Variants in TMEM9B observed in about 807,000 individuals in gnomAD.
TMEM9B encodes TMEM9 domain family member B, also known as transmembrane protein 9B.
In TMEM9B, 8 loss-of-function variants were observed where a neutral mutation model predicts 23.5. The ratio of observed to expected loss-of-function variants is 0.34; its 90% CI spans 0.20 to 0.61. TMEM9B has a LOEUF of 0.61. Ranked by LOEUF, TMEM9B falls within the 20% of genes least tolerant of loss-of-function variation. The pLI, the probability that TMEM9B is intolerant of heterozygous loss-of-function variation, is 0.78. For synonymous variants in TMEM9B, 106 were observed against 96.3 expected (o/e 1.10, Z -0.59); for missense variants, 197 against 252.3 (o/e 0.78, Z 1.49).
chr11:8,952,123 A>T (rs181471563), intron 4 of TMEM9B, among the ~76,000 whole-genome samples: 122 of 152,258 alleles, frequency 8.0e-4, no homozygotes, highest in Admixed American at 1.8e-3. Context: ...AACAAAAAAA[A>T]CATTCTCTAA....
rs929519898 is a variant in TMEM9B, at chr11:8,947,461, A to G, written c.*859T>C. ...AACAGCTGCCTCTCACCACGACCGGAAATGCTGACAAATGTGTATATATTA... is the reference window on the plus strand; with the variant it reads ...AACAGCTGCCTCTCACCACGACCGGGAATGCTGACAAATGTGTATATATTA... On this transcript the variant is annotated 3_prime_UTR_variant, in exon 5 of 5. Transcript: ENST00000534025. The G allele has an allele frequency of 2.6e-5, 4 of 152,786 alleles. No homozygotes were observed. The highest frequency in any genetic ancestry group is 2.0e-4 in the Admixed American group (3 of 15,290). The allele number at this position is 152,786 out of a possible 1,614,324, so 9.5% of individuals were successfully genotyped here. A position where few individuals can be genotyped will look rare whatever the true frequency, so the allele number is the denominator to read the frequency against.
chr11:8,953,205 C>G lies in TMEM9B; in HGVS notation c.439G>C (p.Gly147Arg). Reference protein sequence around the residue: ...AQLIQSDDDIGDHQPFANAHD... With the variant: ...AQLIQSDDDIRDHQPFANAHD... ...GCTAGGGCAGGCTGGGAACTTACCCCAATATCATCATCACTCTGTATCAAC... is the reference window on the plus strand; with the variant it reads ...GCTAGGGCAGGCTGGGAACTTACCCGAATATCATCATCACTCTGTATCAAC... The change falls in exon 4 of 5, where the codon GGG becomes CGG. Residue 147 changes from glycine to arginine, a missense_variant and splice_region_variant. Physicochemically the swap from Gly to Arg is moderately radical, Grantham distance 125. Around this residue, in one of 2 missense-constraint regions of TMEM9B, gnomAD observed 141 missense variants for 214.1 expected, o/e 0.66. Transcript: ENST00000534025. The G allele has an allele frequency of 6.2e-7, 1 of 1,614,094 alleles. No individual in the cohort carries two copies. The highest frequency in any genetic ancestry group is 1.1e-5 in the South Asian group (1 of 91,078).
chr11:8,951,517 C>T (rs915174214), intron 4 of TMEM9B, among the ~76,000 whole-genome samples: 16 of 151,340 alleles, frequency 1.1e-4, no homozygotes, highest in Non-Finnish European at 1.9e-4. Flanking sequence ...TTTGGGAGGC[C>T]GAGGCAGGGG....
chr11:8,955,517 G>A (rs537250709), intron 3 of TMEM9B, among the ~76,000 whole-genome samples: 40 of 151,652 alleles, frequency 2.6e-4, no homozygotes, highest in African/African-American at 9.4e-4. Context: ...ATGGGAGTCA[G>A]TGACAGATCA....
chr11:8,951,728 A>G (rs1285917354), intron 4 of TMEM9B, among the ~76,000 whole-genome samples: 3 of 151,426 alleles, frequency 2.0e-5, no homozygotes, highest in Admixed American at 2.0e-4. Context: ...ACTGCAGTCC[A>G]GCCGGGGCAA....
Position 8,947,963 on chromosome 11 carries a change from C to T in TMEM9B, c.*357G>A, listed in dbSNP as rs1853801234. The T allele has an allele frequency of 6.1e-6, 1 of 163,098 alleles. No homozygotes were observed. The highest frequency in any genetic ancestry group is 1.3e-5 in the Non-Finnish European group (1 of 74,856). 10.1% of individuals were successfully genotyped at this position (163,098 alleles called of 1,614,324 possible). On this transcript the variant is annotated 3_prime_UTR_variant, in exon 5 of 5. Coordinates refer to ENST00000534025, the MANE Select transcript of TMEM9B (RefSeq NM_020644.3). ...AAAACAAACAAACAAAAAACAACAA[C>T]AACAAAAACCCTGAAAATTATCTTG...
chr11:8,952,279 C>CACACACAT (rs371219457), intron 4 of TMEM9B, among the ~76,000 whole-genome samples: 2,643 of 126,104 alleles, frequency 0.021, 69 homozygotes, highest in East Asian at 0.078. Context: ...CACACACACA[C>CACACACAT]GCTATATATA....
chr11:8,964,064 G>T (rs906756912), intron 1 of TMEM9B, 145 bp downstream of exon 1: 23 of 778,956 alleles, frequency 3.0e-5, no homozygotes, highest in South Asian at 2.1e-4. Flanking sequence ...GGGCGGGGCT[G>T]GTGGCGGCGG....
At chr11:8,962,256 C>A in intron 1 of TMEM9B, 73 bp from the exon 2 acceptor site, 2 of 976,804 alleles carry the variant, frequency 2.0e-6, no homozygotes, top group South Asian at 3.3e-5. Context: ...GTACCATATA[C>A]ATTTTGCCAA....
At position 8,953,318 on chromosome 11, in the gene TMEM9B, A is replaced by G; in HGVS notation, c.326T>C (p.Leu109Pro). The change falls in exon 4 of 5, where the codon CTC (leucine) becomes CCC (proline). Residue 109 changes from leucine (L) to proline (P), a missense_variant. Around this residue, in one of 2 missense-constraint regions of TMEM9B, gnomAD observed 141 missense variants for 214.1 expected, o/e 0.66. Transcript: ENST00000534025. ...CAGAAGTAGAAGGCCCAAAATGGAG[A>G]GATAAATTATAATGGTAACCTAAAG... ...VTIKVTIIIY[L>P]SILGLLLLYM... is the part of the protein sequence containing the mutation. 6.2e-7 allele frequency: 1 copy of G among 1,613,942 alleles called. No individual in the cohort carries two copies. Among genetic ancestry groups the G allele is most frequent in the Non-Finnish European group, 8.5e-7 (1 of 1,179,962 alleles).
intron 2 of TMEM9B, among the ~76,000 whole-genome samples, chr11:8,960,684 CT>C (rs529733160): frequency 4.6e-3 from 646 of 141,300 alleles, no homozygotes; most frequent in Middle Eastern, 7.8e-3. Flanking sequence ...TTTGAACATT[CT>C]TTTTTTTTTT....
In TMEM9B at chr11:8,958,594, C is replaced by T. The variant is rs7928174; in HGVS notation, c.198-2296G>A. Among the ~76,000 whole-genome samples the T allele has an allele frequency of 7.0e-3, 961 of 136,726 alleles. 13 individuals are homozygous for T. The highest frequency in any genetic ancestry group is 0.025 in the African/African-American group (913 of 36,668). 89.7% of individuals were successfully genotyped at this position (136,726 alleles called of 152,430 possible). On this transcript the variant is annotated intron_variant, in intron 2 of 4. Transcript: ENST00000534025. ...TTATTCTTTTTTTTTTTTTTTGAGA[C>T]AGAGTTTCACTCTTGTTGCCCAGGC...
At chr11:8,951,988 A>G in intron 4 of TMEM9B, among the ~76,000 whole-genome samples, 1 of 151,994 alleles carries the variant, frequency 6.6e-6, no homozygotes, top group African/African-American at 2.4e-5. Flanking sequence ...AGGTGCCTGT[A>G]GAACCAGCTA....
intron 2 of TMEM9B, among the ~76,000 whole-genome samples, chr11:8,959,223 T>C (rs1229061285): frequency 1.3e-5 from 2 of 152,278 alleles, no homozygotes; most frequent in East Asian, 3.9e-4. Context: ...CATGTGAGGA[T>C]CACTTGAAGC....
intron 3 of TMEM9B, among the ~76,000 whole-genome samples, chr11:8,954,741 T>C (rs1853943008): frequency 6.6e-6 from 1 of 152,246 alleles, no homozygotes; most frequent in African/African-American, 2.4e-5. Flanking sequence ...AGCACCCTGC[T>C]GGAGCAAGAG....
intron 2 of TMEM9B, among the ~76,000 whole-genome samples, chr11:8,960,950 G>A (rs1854069211): frequency 6.6e-6 from 1 of 152,222 alleles, no homozygotes; most frequent in African/African-American, 2.4e-5. Flanking sequence ...CTCCCAGAGT[G>A]CTGGGATTAC....
chr11:8,950,000 G>A (rs1853845941), intron 4 of TMEM9B, among the ~76,000 whole-genome samples: 1 of 151,754 alleles, frequency 6.6e-6, no homozygotes, highest in South Asian at 2.1e-4. Context: ...CTGGCCTCAA[G>A]TGATCCTCCT....
In TMEM9B at chr11:8,957,774, G is replaced by A. The variant is rs1854000213; in HGVS notation, c.198-1476C>T. ...CAAAGAAATGATAAATGTCTGAGAT[G>A]CTAAATATTCTGATCAAATCACTAT... On this transcript the variant is annotated intron_variant, in intron 2 of 4. Coordinates refer to ENST00000534025, the MANE Select transcript of TMEM9B (RefSeq NM_020644.3). The surrounding 1 kb of genome is among the most constrained non-coding windows in gnomAD (Gnocchi z 4.3). Among the ~76,000 whole-genome samples the A allele has an allele frequency of 6.6e-6, 1 of 152,186 alleles. No homozygotes were observed. Among genetic ancestry groups the A allele is most frequent in the South Asian group, 2.1e-4 (1 of 4,834 alleles).
At chr11:8,960,250 C>A (rs188439749) in intron 2 of TMEM9B, among the ~76,000 whole-genome samples, 2 of 146,678 alleles carry the variant, frequency 1.4e-5, no homozygotes, top group East Asian at 4.2e-4. Context: ...TCAAGCGATT[C>A]TCTACCTTAG....
Sources: allele counts gnomAD v4.1 joint callset (sites outside exome capture counted in the v4.1 genomes callset), GRCh38; gene constraint gnomAD v4.1.1; regional missense constraint gnomAD v4.1.1; non-coding constraint Gnocchi (gnomAD v3.1); transcripts MANE v1.5; gene names NCBI Gene and HGNC (gene_info 2026-07-23, HGNC 2026-07-21).